The following SMIM36 variants were observed in gnomAD, a reference collection of about 807,000 sequenced individuals.
SMIM36 encodes small integral membrane protein 36.
chr17:55,516,140 A>C (rs1224010448), upstream of SMIM36, among the ~76,000 whole-genome samples: 1 of 151,538 alleles, frequency 6.6e-6, no homozygotes, highest in East Asian at 1.9e-4. Flanking sequence ...ATATCTTCCC[A>C]GTAAAATTCC....
rs1299680973 is a variant in SMIM36, at chr17:55,503,884, A to C, written c.*174+6995T>G. On this transcript the variant is annotated intron_variant, in intron 1 of 4. Transcript: ENST00000636752. ...AAAATAAAAGGATGGAGGAACATCT[A>C]CCAAGCAAATGGAAAACAAAAAAAG... Among the ~76,000 whole-genome samples, 4 of 135,366 alleles carry C rather than the reference A, an allele frequency of 3.0e-5. 1 individual carries two copies. The East Asian group carries it at 8.6e-4, about 29-fold the overall frequency. The allele number at this position is 135,366 out of a possible 152,430, so 88.8% of individuals were successfully genotyped here. A position where few individuals can be genotyped will look rare whatever the true frequency, so the allele number is the denominator to read the frequency against.
rs533001714 is a variant in SMIM36, at chr17:55,493,626, G to A, written c.*175-14046C>T. On this transcript the variant is annotated intron_variant, in intron 1 of 4. Coordinates refer to ENST00000636752, the Ensembl canonical transcript of SMIM36. ...GGAGTTTGACGCCAGCCTGGGCAAC[G>A]TGGTGAAACCCCATCTCTACAAAAA... 4.7e-4 allele frequency among the ~76,000 whole-genome samples: 71 copies of A among 151,764 alleles called. 4 individuals are homozygous for A. In the South Asian group the frequency reaches 0.011, roughly 25 times the overall value.
intron 1 of SMIM36, among the ~76,000 whole-genome samples, chr17:55,488,698 A>C (rs78146021): frequency 7.0e-4 from 106 of 152,268 alleles, no homozygotes; most frequent in African/African-American, 2.5e-3. Context: ...CTTGTCACCA[A>C]TGTTTTTTTC....
chr17:55,528,303 C>G, the SMIM36 span, among the ~76,000 whole-genome samples: 1 of 152,096 alleles, frequency 6.6e-6, no homozygotes, highest in Non-Finnish European at 1.5e-5. Flanking sequence ...ACCAGGATAA[C>G]AACACAGGTG....
upstream of SMIM36, among the ~76,000 whole-genome samples, chr17:55,514,740 C>T (rs369444189): frequency 1.3e-4 from 20 of 152,002 alleles, no homozygotes; most frequent in African/African-American, 4.8e-4. Flanking sequence ...TTAATAATAC[C>T]AGATAAATAT....
intron 4 of SMIM36, 93 bp downstream of exon 4, chr17:55,467,052 A>T (rs1048900809): frequency 2.6e-5 from 4 of 152,256 alleles, no homozygotes; most frequent in Admixed American, 1.3e-4. Context: ...ACACTCACCA[A>T]TTAAGTCCGA....
At chr17:55,510,879 C>G (rs1461971324) in exon 1 of SMIM36, 2 of 380,600 alleles carry the variant, frequency 5.3e-6, no homozygotes, top group Non-Finnish European at 9.3e-6. Context: ...GGCTTCTTAC[C>G]TTAAACAGTT....
At chr17:55,508,076 A>C (rs1910110281) in intron 1 of SMIM36, among the ~76,000 whole-genome samples, 1 of 152,080 alleles carries the variant, frequency 6.6e-6, no homozygotes, top group South Asian at 2.1e-4. Flanking sequence ...TACTGGTGTA[A>C]ATATGAGCTA....
chr17:55,501,604 G>T (rs1192537469), intron 1 of SMIM36, among the ~76,000 whole-genome samples: 1 of 133,070 alleles, frequency 7.5e-6, no homozygotes, highest in African/African-American at 2.9e-5. Flanking sequence ...TATAAAATCA[G>T]TGTATATATA....
intron 1 of SMIM36, among the ~76,000 whole-genome samples, chr17:55,487,087 C>T (rs1406670549): frequency 2.0e-5 from 3 of 151,820 alleles, no homozygotes; most frequent in Admixed American, 6.6e-5. Flanking sequence ...ATAATGGAAA[C>T]GTGTCCCTAT....
chr17:55,491,583 T>TG lies in SMIM36; in HGVS notation c.*175-12004_*175-12003insC, dbSNP rs1192969584. 2.6e-5 allele frequency among the ~76,000 whole-genome samples: 4 copies of TG among 152,152 alleles called. No homozygotes were observed. The East Asian group carries it at 7.7e-4, about 29-fold the overall frequency. ...TTCCTTGTAGATAGAAGTAAACATT[T>TG]AATTAAGTTCTAGCTAATGAAATAT... On this transcript the variant is annotated intron_variant, in intron 1 of 4. Coordinates refer to ENST00000636752, the Ensembl canonical transcript of SMIM36.
chr17:55,525,417 C>T, the SMIM36 span, among the ~76,000 whole-genome samples: 1 of 152,160 alleles, frequency 6.6e-6, no homozygotes. Context: ...CTACCTCCCC[C>T]ATAACATTTT....
At chr17:55,479,965 G>C (rs1364588277) in intron 1 of SMIM36, among the ~76,000 whole-genome samples, 1 of 152,074 alleles carries the variant, frequency 6.6e-6, no homozygotes, top group East Asian at 1.9e-4. Flanking sequence ...TTGACCACTT[G>C]ACCTTTTCTT....
the SMIM36 span, among the ~76,000 whole-genome samples, chr17:55,524,244 G>T: frequency 6.6e-6 from 1 of 152,292 alleles, no homozygotes; most frequent in Non-Finnish European, 1.5e-5. Context: ...TTCTGCAAAA[G>T]ATATGATCTC....
At chr17:55,519,349 A>C in the SMIM36 span, among the ~76,000 whole-genome samples, 9 of 152,194 alleles carry the variant, frequency 5.9e-5, no homozygotes, top group Middle Eastern at 3.4e-3. Flanking sequence ...GAGGGATATG[A>C]GGGCATGTGG....
the SMIM36 span, among the ~76,000 whole-genome samples, chr17:55,519,484 G>T: frequency 1.3e-5 from 2 of 152,144 alleles, no homozygotes; most frequent in African/African-American, 4.8e-5. Context: ...ACTGGCAGTG[G>T]TGCTTCAAGA....
At chr17:55,454,504 T>C (rs1908981609) in intron 4 of SMIM36, among the ~76,000 whole-genome samples, 2 of 152,188 alleles carry the variant, frequency 1.3e-5, no homozygotes, top group Admixed American at 6.5e-5. Context: ...CTAGAAAACA[T>C]AGATCAACAG....
the SMIM36 span, among the ~76,000 whole-genome samples, chr17:55,523,035 A>G: frequency 6.6e-6 from 1 of 152,218 alleles, no homozygotes. Flanking sequence ...TAATGAGGAA[A>G]GAGGTCCTAG....
intron 4 of SMIM36, among the ~76,000 whole-genome samples, chr17:55,464,334 G>C (rs920201104): frequency 6.6e-6 from 1 of 152,114 alleles, no homozygotes; most frequent in African/African-American, 2.4e-5. Context: ...GGCCTTTCCT[G>C]AATTGAGCTT....
Sources: gnomAD v4.1 joint callset for allele counts (sites outside exome capture counted in the v4.1 genomes callset) on GRCh38, gnomAD v4.1.1 for gene constraint, MANE v1.5 for transcripts, NCBI Gene and HGNC (gene_info 2026-07-23, HGNC 2026-07-21) for gene names.